ATXN1: variants seen among roughly 807,000 people sequenced by gnomAD.
The protein encoded by ATXN1 is ataxin 1, also known as ataxin-1.
Under a neutral mutation model 56.4 loss-of-function variants are expected in ATXN1, and 8 were observed. That is an observed-to-expected ratio of 0.14 (90% CI 0.08 to 0.26). The LOEUF is 0.26. Among genes scored for constraint, ATXN1 ranks in the 10% least tolerant of loss-of-function variants. The pLI, the probability that ATXN1 is intolerant of heterozygous loss-of-function variation, is 1.00. For missense variants in ATXN1, 987 were observed against 1,106.5 expected (o/e 0.89, Z 1.53); for synonymous variants, 514 against 494.6 (o/e 1.04, Z -0.52).
At chr6:16,428,616 G>A (rs1407152466) in intron 6 of ATXN1, among the ~76,000 whole-genome samples, 4 of 152,088 alleles carry the variant, frequency 2.6e-5, no homozygotes, top group Non-Finnish European at 5.9e-5. Context: ...AGCCAAGTTT[G>A]CAAATGAGGA....
intron 2 of ATXN1, among the ~76,000 whole-genome samples, chr6:16,733,983 T>C (rs1252617999): frequency 6.6e-6 from 1 of 151,998 alleles, no homozygotes. Flanking sequence ...CCCCAGCCAC[T>C]CCGGAGGCTG....
At chr6:16,706,165 C>T (rs751942281) in intron 2 of ATXN1, among the ~76,000 whole-genome samples, 14 of 152,130 alleles carry the variant, frequency 9.2e-5, no homozygotes, top group Admixed American at 5.9e-4. Flanking sequence ...GACTGAAGGA[C>T]GTGCTCTGCA....
chr6:16,330,390 C>CTTCCT (rs369717890), intron 6 of ATXN1, among the ~76,000 whole-genome samples: 62 of 119,826 alleles, frequency 5.2e-4, no homozygotes, highest in Non-Finnish European at 8.6e-4. Flanking sequence ...TCCTTCCTTC[C>CTTCCT]TTTTTTTTTT....
chr6:16,503,248 T>G (rs191630308), intron 5 of ATXN1, among the ~76,000 whole-genome samples: 11 of 152,246 alleles, frequency 7.2e-5, no homozygotes, highest in African/African-American at 2.6e-4. Context: ...AGGGCAGAGG[T>G]TGGGAGACTG....
chr6:16,549,871 G>A (rs1159542234), intron 4 of ATXN1, among the ~76,000 whole-genome samples: 6 of 146,722 alleles, frequency 4.1e-5, no homozygotes, highest in African/African-American at 1.5e-4. Context: ...ACTCCAGCCT[G>A]GGCAACAAGA....
intron 3 of ATXN1, among the ~76,000 whole-genome samples, chr6:16,589,182 T>C (rs1192568061): frequency 6.6e-6 from 1 of 152,052 alleles, no homozygotes; most frequent in Non-Finnish European, 1.5e-5. Flanking sequence ...GGCCCTTTTC[T>C]CTCATTTTTC....
At position 16,304,758 on chromosome 6, in the gene ATXN1, A is replaced by T. The variant is rs1321721858; in HGVS notation, c.*1571T>A. On this transcript the variant is annotated 3_prime_UTR_variant, in exon 8 of 8. Transcript: ENST00000436367. ...TTTCCCACAATGTTATTGGATAAAA[A>T]CTGCAGGAATATCACACAAGTTATA... is the stretch of plus-strand genomic sequence containing the variant. The T allele has an allele frequency of 6.5e-6, 1 of 152,684 alleles. No individual in the cohort carries two copies. The highest frequency in any genetic ancestry group is 2.4e-5 in the African/African-American group (1 of 41,458). The allele number at this position is 152,684 out of a possible 1,614,324, so 9.5% of individuals were successfully genotyped here.
intron 3 of ATXN1, among the ~76,000 whole-genome samples, chr6:16,598,903 C>T (rs996040324): frequency 1.3e-5 from 2 of 152,220 alleles, no homozygotes; most frequent in Non-Finnish European, 2.9e-5. Context: ...CTTTTCCTGG[C>T]TTGGTGTCCA....
chr6:16,523,466 C>T (rs1358086889), intron 4 of ATXN1, among the ~76,000 whole-genome samples: 2 of 152,178 alleles, frequency 1.3e-5, no homozygotes, highest in African/African-American at 2.4e-5. Context: ...CTGCCTTAGC[C>T]GCCAAGTAGC....
chr6:16,648,006 C>T (rs1341612085), intron 3 of ATXN1, among the ~76,000 whole-genome samples: 1 of 152,108 alleles, frequency 6.6e-6, no homozygotes, highest in East Asian at 1.9e-4. Flanking sequence ...ACCCAGGAGG[C>T]GGAGGCTGCA....
chr6:16,365,947 T>A (rs1002786224), intron 6 of ATXN1, among the ~76,000 whole-genome samples: 12 of 152,224 alleles, frequency 7.9e-5, no homozygotes, highest in African/African-American at 2.9e-4. Flanking sequence ...CGTCTATCTA[T>A]CTAATCCCCA....
chr6:16,369,037 T>C (rs997278406), intron 6 of ATXN1, among the ~76,000 whole-genome samples: 1 of 152,210 alleles, frequency 6.6e-6, no homozygotes, highest in Non-Finnish European at 1.5e-5. Context: ...AACTCACTTA[T>C]TAAATTCAAT....
chr6:16,439,549 C>T (rs1759471125), intron 6 of ATXN1, among the ~76,000 whole-genome samples: 2 of 151,858 alleles, frequency 1.3e-5, no homozygotes, highest in Admixed American at 1.3e-4. Context: ...TGGTTGGTTT[C>T]ATACTGTGTT....
rs1761298954 is a variant in ATXN1, at chr6:16,343,313, CAGCCTGGGTGACAG to C, written c.-160-14857_-160-14844del. 2.0e-5 allele frequency among the ~76,000 whole-genome samples: 3 copies of C among 152,278 alleles called. No homozygotes were observed. In the South Asian group the frequency reaches 6.2e-4, roughly 32 times the overall value. On this transcript the variant is annotated intron_variant, in intron 6 of 7. Coordinates refer to ENST00000436367, the MANE Select transcript of ATXN1 (RefSeq NM_001128164.2). ...GAGCTGAGATCGCACCACTGCACTC[CAGCCTGGGTGACAG>C]AGCGAGACTCTGTCTCAAATAAATA...
intron 6 of ATXN1, among the ~76,000 whole-genome samples, chr6:16,415,418 T>C (rs958247709): frequency 8.5e-5 from 13 of 152,272 alleles, no homozygotes; most frequent in African/African-American, 3.1e-4. Flanking sequence ...TTAGGAGAGA[T>C]GGGGTTTGGC....
chr6:16,469,092 C>T (rs978872232), intron 6 of ATXN1, among the ~76,000 whole-genome samples: 42 of 152,138 alleles, frequency 2.8e-4, no homozygotes, highest in African/African-American at 9.2e-4. Flanking sequence ...TGCACTTACA[C>T]CGTGGGCACC....
intron 4 of ATXN1, among the ~76,000 whole-genome samples, chr6:16,541,476 A>C (rs1208381030): frequency 6.6e-6 from 1 of 152,102 alleles, no homozygotes; most frequent in Non-Finnish European, 1.5e-5. Context: ...TGATCACTGG[A>C]AACAGGGCAA....
chr6:16,578,867 T>A (rs1284813267), intron 4 of ATXN1, among the ~76,000 whole-genome samples: 1 of 152,238 alleles, frequency 6.6e-6, no homozygotes, highest in African/African-American at 2.4e-5. Flanking sequence ...AAGTTAGAGC[T>A]TCTGGGGCTG....
chr6:16,354,730 G>A (rs1289882887), intron 6 of ATXN1, among the ~76,000 whole-genome samples: 1 of 152,220 alleles, frequency 6.6e-6, no homozygotes, highest in Non-Finnish European at 1.5e-5. Flanking sequence ...GAGGCAACAA[G>A]TAGATCAAGA....
Sources: allele counts gnomAD v4.1 joint callset (sites outside exome capture counted in the v4.1 genomes callset), GRCh38; gene constraint gnomAD v4.1.1; transcripts MANE v1.5; gene names NCBI Gene and HGNC (gene_info 2026-07-23, HGNC 2026-07-21).